TBC1D21: variants seen among roughly 807,000 people sequenced by gnomAD.
TBC1D21 encodes male germ cell Rab GTPase-activating protein.
TBC1D21 carries 38 observed loss-of-function variants against 46.0 expected under a neutral mutation model. The observed-to-expected ratio is 0.83, with a 90% confidence interval of 0.64 to 1.08. TBC1D21 has a LOEUF of 1.08. Among genes scored for constraint, TBC1D21 ranks in the 50% least tolerant of loss-of-function variants. The probability of loss-of-function intolerance (pLI) is 0.00; values close to 1 mark genes in which losing one functional copy is unlikely to be tolerated. For synonymous variants in TBC1D21, 151 were observed against 157.2 expected, an observed-to-expected ratio of 0.96 and a Z score of 0.29; for missense variants, 415 against 417.9, an observed-to-expected ratio of 0.99 and a Z score of 0.06.
the TBC1D21 span, among the ~76,000 whole-genome samples, chr15:73,897,360 C>T: frequency 2.6e-5 from 4 of 152,218 alleles, no homozygotes; most frequent in Non-Finnish European, 5.9e-5. Flanking sequence ...ATGCATTTAG[C>T]CCAGCAAACT....
chr15:73,888,814 A>G (rs545122826), intron 10 of TBC1D21, among the ~76,000 whole-genome samples: 2 of 152,130 alleles, frequency 1.3e-5, no homozygotes, highest in South Asian at 4.2e-4. Context: ...CTTCAGAGAC[A>G]CAGACTGTGC....
At chr15:73,889,638 G>A (rs898051726), downstream of TBC1D21, among the ~76,000 whole-genome samples, 1 of 152,206 alleles carries the variant, frequency 6.6e-6, no homozygotes, top group Non-Finnish European at 1.5e-5. Context: ...CTGTGGAAGG[G>A]GCTGGCCTGG....
rs2068152065 is a variant in TBC1D21 at position 73,881,437 on chromosome 15, C to T, written c.99C>T (p.Asp33=). 2 of 1,614,102 alleles carry T rather than the reference C, an allele frequency of 1.2e-6. No homozygotes were observed. The highest frequency in any genetic ancestry group is 1.7e-5 in the Admixed American group (1 of 60,004). The change falls in exon 2 of 11, where the codon GAC becomes GAT. Residue 33 remains aspartate (D), a synonymous_variant. Coordinates refer to ENST00000300504, the MANE Select transcript of TBC1D21 (RefSeq NM_153356.3). ...RKPPIDKTEW[D]SFFDESGHLA... ...CACCCATTGACAAGACAGAATGGGA[C>T]AGCTTCTTTGATGAGAGTGGCCACT...
At chr15:73,899,248 G>A in the TBC1D21 span, among the ~76,000 whole-genome samples, 1 of 152,124 alleles carries the variant, frequency 6.6e-6, no homozygotes, top group Admixed American at 6.5e-5. Flanking sequence ...TGGGAAGCGG[G>A]TGAGCCTTGC....
At chr15:73,884,376 C>T (rs1019881378) in intron 4 of TBC1D21, 131 bp downstream of exon 4, 37 of 850,834 alleles carry the variant, frequency 4.3e-5, no homozygotes, top group South Asian at 8.8e-5. Flanking sequence ...CCTGGAGTTT[C>T]GCCAGCTGAA....
At chr15:73,896,073 G>T in the TBC1D21 span, among the ~76,000 whole-genome samples, 3 of 152,174 alleles carry the variant, frequency 2.0e-5, no homozygotes, top group Non-Finnish European at 4.4e-5. Context: ...TCCTGGTAAT[G>T]ATAGTGACAT....
At chr15:73,899,972 C>T in the TBC1D21 span, among the ~76,000 whole-genome samples, 2 of 152,180 alleles carry the variant, frequency 1.3e-5, no homozygotes, top group African/African-American at 4.8e-5. Context: ...GTGGGCAGCC[C>T]AGGAGTCCTG....
Position 73,889,084 on chromosome 15 carries a change from A to G in TBC1D21, c.994A>G (p.Lys332Glu), listed in dbSNP as rs1471855315. The change falls in exon 11 of 11, where the codon AAG (lysine) becomes GAG (glutamate). Residue 332 changes from lysine to glutamate, a missense_variant. Coordinates refer to ENST00000300504, the MANE Select transcript of TBC1D21 (RefSeq NM_153356.3). Reference protein sequence around the residue: ...LIQKDVPQTLKDFFL With the variant: ...LIQKDVPQTLEDFFL ...TCCTCCCTAGGTTCCTCAGACATTA[A>G]AGGATTTCTTCCTCTGAGGACACCA... 6.2e-7 allele frequency: 1 copy of G among 1,613,410 alleles called. No individual in the cohort carries two copies. The highest frequency in any genetic ancestry group is 2.2e-5 in the East Asian group (1 of 44,884).
At chr15:73,879,297 T>C (rs1322593398) in intron 1 of TBC1D21, among the ~76,000 whole-genome samples, 1 of 152,168 alleles carries the variant, frequency 6.6e-6, no homozygotes, top group Non-Finnish European at 1.5e-5. Context: ...AATCTCCGCC[T>C]CCCAGGTTCA....
At chr15:73,909,006 A>C in the TBC1D21 span, among the ~76,000 whole-genome samples, 1 of 152,268 alleles carries the variant, frequency 6.6e-6, no homozygotes, top group African/African-American at 2.4e-5. Context: ...TGGGCTCCTA[A>C]CCTCTCCCTG....
rs781257753 is a variant in TBC1D21 at position 73,881,362 on chromosome 15, T to C, written c.61-37T>C. The C allele has an allele frequency of 4.6e-6, 7 of 1,536,188 alleles. No homozygotes were observed. The South Asian group carries it at 6.8e-5, about 15-fold the overall frequency. ...AAATCACACTTAAAAGCCGAAGCCT[T>C]CTAACATAAGGCAGAACTGGTTGCT... On this transcript the variant is annotated intron_variant, in intron 1 of 10. Transcript: ENST00000300504.
chr15:73,893,012 G>A (rs535488589), downstream of TBC1D21, among the ~76,000 whole-genome samples: 1 of 152,304 alleles, frequency 6.6e-6, no homozygotes, highest in South Asian at 2.1e-4. Context: ...AGGTGGTAGT[G>A]ATGGTGACAT....
At chr15:73,876,400 G>GTTTT (rs71137360) in intron 1 of TBC1D21, among the ~76,000 whole-genome samples, 3 of 131,600 alleles carry the variant, frequency 2.3e-5, no homozygotes, top group Non-Finnish European at 4.7e-5. Flanking sequence ...GGTAATTTTT[G>GTTTT]TTTTTTTTTT....
the TBC1D21 span, chr15:73,908,415 C>T: frequency 6.6e-6 from 1 of 152,338 alleles, no homozygotes; most frequent in Non-Finnish European, 1.5e-5. Flanking sequence ...TGGCTCTCAG[C>T]GCTCTCCTTC....
At chr15:73,902,389 G>C in the TBC1D21 span, among the ~76,000 whole-genome samples, 1,044 of 152,306 alleles carry the variant, frequency 6.9e-3, 8 homozygotes, top group African/African-American at 0.024. Flanking sequence ...GAGCCCTATC[G>C]GCCTGAGGGT....
downstream of TBC1D21, among the ~76,000 whole-genome samples, chr15:73,889,631 T>C (rs2068320046): frequency 6.6e-6 from 1 of 152,222 alleles, no homozygotes; most frequent in Non-Finnish European, 1.5e-5. Context: ...TGCTAGTCTG[T>C]GGAAGGGGCT....
intron 3 of TBC1D21, 76 bp from the exon 4 acceptor site, chr15:73,884,075 G>A (rs1421244547): frequency 5.7e-6 from 7 of 1,238,028 alleles, no homozygotes; most frequent in African/African-American, 3.0e-5. Context: ...CTGGGGCCTG[G>A]TAGCTGCAGC....
chr15:73,891,625 G>T (rs2068337196), downstream of TBC1D21, among the ~76,000 whole-genome samples: 1 of 152,216 alleles, frequency 6.6e-6, no homozygotes, highest in South Asian at 2.1e-4. Context: ...GCCCTCACAG[G>T]CTCAGAACTG....
intron 3 of TBC1D21, among the ~76,000 whole-genome samples, chr15:73,883,498 C>T (rs1489290770): frequency 2.0e-5 from 3 of 152,204 alleles, no homozygotes; most frequent in African/African-American, 4.8e-5. Flanking sequence ...CACTCCATTC[C>T]CTGTCCCCAT....
Sources: gnomAD v4.1 joint callset for allele counts (sites outside exome capture counted in the v4.1 genomes callset) on GRCh38, gnomAD v4.1.1 for gene constraint, MANE v1.5 for transcripts, NCBI Gene and HGNC (gene_info 2026-07-23, HGNC 2026-07-21) for gene names.